PPDPFL: variants seen among roughly 807,000 people sequenced by gnomAD.
PPDPFL encodes the protein pancreatic progenitor cell differentiation and proliferation factor-like protein.
In PPDPFL, 12 loss-of-function variants were observed where a neutral mutation model predicts 12.6. The ratio of observed to expected loss-of-function variants is 0.95; its 90% CI spans 0.61 to 1.54. The LOEUF (loss-of-function observed/expected upper bound fraction) is 1.54, where lower values mean the gene tolerates loss of function less well. Among genes scored for constraint, PPDPFL ranks in the 40% most tolerant of loss-of-function variants. The pLI is 0.00. For synonymous variants in PPDPFL, 24 were observed against 32.7 expected (o/e 0.73, Z 0.91); for missense variants, 114 against 96.0 (o/e 1.19, Z -0.78).
At position 49,072,882 on chromosome 8, in the gene PPDPFL, C is replaced by T. The variant is rs1459429734; in HGVS notation, c.52C>T (p.Arg18Ter). 8 of 1,605,208 alleles carry T rather than the reference C, an allele frequency of 5.0e-6. No individual in the cohort carries two copies. Among genetic ancestry groups the T allele is most frequent in the Admixed American group, 1.7e-5 (1 of 58,022 alleles). Residue 18 changes from arginine to a stop codon, truncating the protein, a stop_gained, in exon 2 of 5, where the codon CGA becomes TGA. Transcript: ENST00000522267. LOFTEE classifies it high-confidence loss of function. ...CCTTCTAGCCAGAAATCAGTATTAT[C>T]GAAGTAAGTTGCATCATCATAGAGA... ...GCLLARNQYY[R>*]KSSVSSVSSL...
At chr8:49,055,200 G>A (rs563193523) in intron 1 of PPDPFL, among the ~76,000 whole-genome samples, 2 of 120,062 alleles carry the variant, frequency 1.7e-5, no homozygotes, top group South Asian at 4.8e-4. Flanking sequence ...TTTTCCTCCT[G>A]CTCCTAATTG....
intron 3 of PPDPFL, 47 bp downstream of exon 3, chr8:49,074,183 T>A (rs543334863): frequency 6.2e-7 from 1 of 1,604,588 alleles, no homozygotes; most frequent in South Asian, 1.1e-5. Flanking sequence ...TTCTTTTTAT[T>A]TTCAATCTCA....
chr8:49,070,767 CATG>C (rs1459222138), upstream of PPDPFL, among the ~76,000 whole-genome samples: 1 of 152,118 alleles, frequency 6.6e-6, no homozygotes, highest in Non-Finnish European at 1.5e-5. Context: ...AGATGTACAA[CATG>C]ATATGACATT....
rs1392627135 is a variant in PPDPFL at position 49,074,273 on chromosome 8, C to G, written c.173C>G (p.Ser58Trp). The change falls in exon 4 of 5, where the codon TCG becomes TGG. Residue 58 changes from serine (S) to tryptophan (W), a missense_variant. Physicochemically the swap from Ser to Trp is radical, Grantham distance 177 (BLOSUM62 -3). Transcript: ENST00000522267. Reference protein sequence around the residue: ...EVAESTWWFKSFFHSEPVLSN... With the variant: ...EVAESTWWFKWFFHSEPVLSN... Reference sequence around the variant, plus strand: ...GCAGAATCCACCTGGTGGTTTAAATCGTTTTTCCATTCTGAACCTGTGCTT... The same window carrying G: ...GCAGAATCCACCTGGTGGTTTAAATGGTTTTTCCATTCTGAACCTGTGCTT... 6.2e-7 allele frequency: 1 copy of G among 1,613,976 alleles called. No individual in the cohort carries two copies. Among genetic ancestry groups the G allele is most frequent in the Non-Finnish European group, 8.5e-7 (1 of 1,179,882 alleles).
At chr8:49,063,273 T>C (rs1008388127) in intron 1 of PPDPFL, among the ~76,000 whole-genome samples, 1 of 152,338 alleles carries the variant, frequency 6.6e-6, no homozygotes, top group Admixed American at 6.5e-5. Flanking sequence ...GTCACTGCCC[T>C]GTGATGCAGG....
intron 4 of PPDPFL, chr8:49,074,869 A>C: frequency 2.2e-6 from 3 of 1,390,540 alleles, no homozygotes; most frequent in Non-Finnish European, 2.8e-6. Flanking sequence ...TAGACATTTG[A>C]ATGCCTAGTA....
intron 1 of PPDPFL, among the ~76,000 whole-genome samples, chr8:49,064,010 C>T (rs1040805368): frequency 3.3e-5 from 5 of 152,138 alleles, no homozygotes; most frequent in South Asian, 2.1e-4. Context: ...GAGGGTTGGT[C>T]ATGCAGGCAT....
chr8:49,057,282 A>T (rs1808125733), intron 1 of PPDPFL, among the ~76,000 whole-genome samples: 1 of 152,152 alleles, frequency 6.6e-6, no homozygotes, highest in African/African-American at 2.4e-5. Context: ...GTCTGAATGA[A>T]GGGTCGTGAA....
At chr8:49,055,410 C>G (rs929307607) in intron 1 of PPDPFL, among the ~76,000 whole-genome samples, 1 of 152,114 alleles carries the variant, frequency 6.6e-6, no homozygotes, top group African/African-American at 2.4e-5. Context: ...TGCTCAGGCC[C>G]CATTTCCTGT....
intron 1 of PPDPFL, among the ~76,000 whole-genome samples, chr8:49,060,444 G>C (rs1480685902): frequency 6.6e-6 from 1 of 152,038 alleles, no homozygotes; most frequent in Non-Finnish European, 1.5e-5. Flanking sequence ...CTCCCGAGTA[G>C]CTGGGATTAC....
At position 49,075,852 on chromosome 8, in the gene PPDPFL, G is replaced by T. The variant is rs562609699; in HGVS notation, c.*679G>T. 1 of 153,148 alleles carries T rather than the reference G, an allele frequency of 6.5e-6. No homozygotes were observed. The highest frequency in any genetic ancestry group is 1.5e-5 in the Non-Finnish European group (1 of 68,728). 9.5% of individuals were successfully genotyped at this position (153,148 alleles called of 1,614,324 possible). On this transcript the variant is annotated 3_prime_UTR_variant, in exon 5 of 5. Transcript: ENST00000522267. ...TTAATAACATGGAAAATTATATTAT[G>T]GCATTAAAAATTAGCATAATACACC... is the stretch of plus-strand genomic sequence containing the variant.
chr8:49,056,795 T>A (rs1585668653), intron 1 of PPDPFL, among the ~76,000 whole-genome samples: 1 of 152,338 alleles, frequency 6.6e-6, no homozygotes, highest in East Asian at 1.9e-4. Flanking sequence ...TTGTGATAGA[T>A]AGAAATACGA....
At chr8:49,071,603 C>A (rs377196856), upstream of PPDPFL, among the ~76,000 whole-genome samples, 13 of 152,088 alleles carry the variant, frequency 8.5e-5, no homozygotes, top group East Asian at 2.3e-3. Flanking sequence ...TTGCAGTGAG[C>A]CCAAATCGCG....
chr8:49,073,978 G>A (rs1279190025), intron 2 of PPDPFL, 81 bp from the exon 3 acceptor site: 3 of 897,042 alleles, frequency 3.3e-6, no homozygotes, highest in Admixed American at 2.0e-5. Flanking sequence ...CATGCTACTT[G>A]ACAGTTTGTA....
At chr8:49,074,795 G>T in intron 4 of PPDPFL, 1 of 1,429,836 alleles carries the variant, frequency 7.0e-7, no homozygotes, top group Non-Finnish European at 9.1e-7. Flanking sequence ...CAGACATTTT[G>T]AACTCAAACA....
At chr8:49,056,390 T>C (rs780202646) in intron 1 of PPDPFL, among the ~76,000 whole-genome samples, 5 of 152,108 alleles carry the variant, frequency 3.3e-5, no homozygotes, top group South Asian at 2.1e-4. Flanking sequence ...TCTTAGACTC[T>C]ATCTAAATTA....
At position 49,074,352 on chromosome 8, in the gene PPDPFL, T is replaced by C; in HGVS notation, c.233+19T>C. On this transcript the variant is annotated intron_variant, in intron 4 of 4. Transcript: ENST00000522267. Reference sequence around the variant, plus strand: ...CTACTGGGTGAGTTTTAGCCTTCTCTGGTAAGGGCAGTTCTTACTTAGTGA... The same window carrying C: ...CTACTGGGTGAGTTTTAGCCTTCTCCGGTAAGGGCAGTTCTTACTTAGTGA... The C allele has an allele frequency of 6.2e-7, 1 of 1,608,010 alleles. No homozygotes were observed. The highest frequency in any genetic ancestry group is 8.5e-7 in the Non-Finnish European group (1 of 1,174,486).
intron 1 of PPDPFL, among the ~76,000 whole-genome samples, chr8:49,063,003 G>GTTGTTTGTGGAAGGTTGTTCC (rs1808238066): frequency 6.6e-6 from 1 of 152,186 alleles, no homozygotes; most frequent in Non-Finnish European, 1.5e-5. Flanking sequence ...TCCACAAAGG[G>GTTGTTTGTGGAAGGTTGTTCC]ACCTAAGGGT....
intron 1 of PPDPFL, among the ~76,000 whole-genome samples, chr8:49,059,753 C>T (rs1425569763): frequency 6.6e-6 from 1 of 152,132 alleles, no homozygotes. Flanking sequence ...CAGAAATTAC[C>T]TTCAACTACT....
Sources: allele counts gnomAD v4.1 joint callset (sites outside exome capture counted in the v4.1 genomes callset), GRCh38; gene constraint gnomAD v4.1.1; transcripts MANE v1.5; gene names NCBI Gene and HGNC (gene_info 2026-07-23, HGNC 2026-07-21).